The following CPN1 variants were observed in gnomAD, a reference collection of about 807,000 sequenced individuals.
CPN1 encodes carboxypeptidase N catalytic chain.
CPN1 carries 37 observed loss-of-function variants against 46.4 expected under a neutral mutation model. The observed-to-expected ratio is 0.80, with a 90% CI of 0.61 to 1.05. The LOEUF (loss-of-function observed/expected upper bound fraction) is 1.05. Ranked by LOEUF, CPN1 falls within the 50% of genes least tolerant of loss-of-function variation. The probability of loss-of-function intolerance (pLI) is 0.00; values close to 1 mark genes in which losing one functional copy is unlikely to be tolerated. For synonymous variants in CPN1, 224 were observed against 235.4 expected, an observed-to-expected ratio of 0.95 and a Z score of 0.44; for missense variants, 563 against 602.6, an observed-to-expected ratio of 0.93 and a Z score of 0.69.
chr10:100,056,741 G>A (rs1315724519), intron 6 of CPN1, among the ~76,000 whole-genome samples: 1 of 150,402 alleles, frequency 6.6e-6, no homozygotes, highest in African/African-American at 2.5e-5. Flanking sequence ...TAGTAGACAT[G>A]GGGTCTAGCT....
chr10:100,063,768 C>T (rs760081450), intron 4 of CPN1, 43 bp from the exon 5 acceptor site: 2 of 1,466,992 alleles, frequency 1.4e-6, no homozygotes, highest in South Asian at 1.1e-5. Context: ...TGATTCCCAA[C>T]TCAAATGGCA....
intron 5 of CPN1, among the ~76,000 whole-genome samples, chr10:100,063,281 C>T (rs572496492): frequency 2.6e-5 from 4 of 152,082 alleles, no homozygotes; most frequent in East Asian, 1.9e-4. Flanking sequence ...CCACCACACC[C>T]GGCTAATTTT....
In CPN1 at chr10:100,081,536, A is replaced by T. The variant is rs773064523; in HGVS notation, c.90T>A (p.Asp30Glu). 1.1e-5 allele frequency: 17 copies of T among 1,614,060 alleles called. No individual in the cohort carries two copies. In the African/African-American group the frequency reaches 2.0e-4, roughly 19 times the overall value. The change falls in exon 1 of 9, where the codon GAT (aspartate) becomes GAA (glutamate). Residue 30 changes from aspartate (D) to glutamate (E), a missense_variant. Asp to Glu is a conservative substitution (Grantham distance 45). Transcript: ENST00000370418. ...PVTFRHHRYD[D>E]LVRTLYKVQN... ...GCACCTTGTACAGCGTCCGCACAAGATCATCATAGCGGTGGTGGCGAAAGG... is the reference window on the plus strand; with the variant it reads ...GCACCTTGTACAGCGTCCGCACAAGTTCATCATAGCGGTGGTGGCGAAAGG...
intron 5 of CPN1, among the ~76,000 whole-genome samples, chr10:100,059,254 C>T (rs1042551348): frequency 6.6e-5 from 10 of 151,962 alleles, no homozygotes; most frequent in East Asian, 3.9e-4. Flanking sequence ...GAATAGGTGA[C>T]GACAGAATCA....
chr10:100,075,940 G>T lies in CPN1; in HGVS notation c.391C>A (p.Pro131Thr). 6.2e-7 allele frequency: 1 copy of T among 1,614,114 alleles called. No homozygotes were observed. Among genetic ancestry groups the T allele is most frequent in the Non-Finnish European group, 8.5e-7 (1 of 1,180,044 alleles). Residue 131 changes from proline to threonine, a missense_variant, in exon 2 of 9, where the codon CCC becomes ACC. Pro to Thr is a conservative substitution (Grantham distance 38). Coordinates refer to ENST00000370418, the MANE Select transcript of CPN1 (RefSeq NM_001308.3). ...GCAGCAGCCACCTCGTAGCCGTCGG[G>T]GTTCATGGATGGCAGGATGTGAATG... Reference protein sequence around the residue: ...TRIHILPSMNPDGYEVAAAQG... With the variant: ...TRIHILPSMNTDGYEVAAAQG...
chr10:100,057,573 T>C (rs1175207207), intron 5 of CPN1, among the ~76,000 whole-genome samples: 2 of 152,020 alleles, frequency 1.3e-5, no homozygotes, highest in Admixed American at 6.6e-5. Flanking sequence ...TATTTGGAGG[T>C]TGGGACCAGT....
chr10:100,081,136 A>G (rs2041542338), intron 1 of CPN1, among the ~76,000 whole-genome samples: 1 of 152,184 alleles, frequency 6.6e-6, no homozygotes. Context: ...ATGGGACATG[A>G]GCAGGGAAGA....
At chr10:100,057,687 A>G (rs962301478) in intron 5 of CPN1, among the ~76,000 whole-genome samples, 3 of 152,142 alleles carry the variant, frequency 2.0e-5, no homozygotes, top group African/African-American at 2.4e-5. Context: ...CTCAGGGCTT[A>G]CTGTAGTTTT....
intron 5 of CPN1, 90 bp from the exon 6 acceptor site, chr10:100,057,242 C>G: frequency 6.8e-7 from 1 of 1,466,628 alleles, no homozygotes; most frequent in South Asian, 1.3e-5. Context: ...TTAAAATTTT[C>G]TGTTTTTATT....
chr10:100,055,627 C>A (rs574155401), intron 6 of CPN1, among the ~76,000 whole-genome samples: 4 of 152,268 alleles, frequency 2.6e-5, no homozygotes, highest in Admixed American at 1.3e-4. Context: ...CGGGTTCAAG[C>A]GATTCTCCTG....
Position 100,071,291 on chromosome 10 carries a change from C to T in CPN1, c.421-1422G>A, listed in dbSNP as rs1287979561. On this transcript the variant is annotated intron_variant, in intron 2 of 8. Transcript: ENST00000370418. ...TGGTTTATAACAACAGCAATTTATTCTCCAATTTATTCTCTGGAGGCTAGA... is the reference window on the plus strand; with the variant it reads ...TGGTTTATAACAACAGCAATTTATTTTCCAATTTATTCTCTGGAGGCTAGA... Among the ~76,000 whole-genome samples the T allele has an allele frequency of 2.6e-5, 4 of 152,158 alleles. No individual in the cohort carries two copies. The South Asian group carries it at 8.3e-4, about 32-fold the overall frequency.
intron 8 of CPN1, 22 bp downstream of exon 8, chr10:100,048,736 C>A: frequency 6.6e-7 from 1 of 1,517,708 alleles, no homozygotes; most frequent in East Asian, 2.3e-5. Context: ...TACAGTGCAC[C>A]GTCAAGCTCA....
chr10:100,046,351 A>G (rs2041311905), intron 8 of CPN1, among the ~76,000 whole-genome samples: 1 of 152,238 alleles, frequency 6.6e-6, no homozygotes, highest in African/African-American at 2.4e-5. Flanking sequence ...TCACGCCTGT[A>G]ATCCCAGTGC....
At chr10:100,049,548 C>T (rs1177477806) in intron 7 of CPN1, among the ~76,000 whole-genome samples, 1 of 152,190 alleles carries the variant, frequency 6.6e-6, no homozygotes, top group Non-Finnish European at 1.5e-5. Flanking sequence ...CAGGCATGAG[C>T]CACCGAGCCC....
chr10:100,073,579 A>G (rs971801659), intron 2 of CPN1, among the ~76,000 whole-genome samples: 10 of 150,002 alleles, frequency 6.7e-5, no homozygotes, highest in Non-Finnish European at 1.5e-4. Context: ...TCCAGTTTCT[A>G]GAGATCATTC....
intron 5 of CPN1, among the ~76,000 whole-genome samples, chr10:100,062,460 CTGT>C (rs1366704082): frequency 1.3e-5 from 2 of 152,202 alleles, no homozygotes; most frequent in African/African-American, 2.4e-5. Context: ...CTCTGCTCAT[CTGT>C]TGTTGTGTGA....
chr10:100,079,728 G>A (rs2041533565), intron 1 of CPN1, among the ~76,000 whole-genome samples: 3 of 152,208 alleles, frequency 2.0e-5, no homozygotes, highest in African/African-American at 7.2e-5. Flanking sequence ...ATTATGTCAA[G>A]ATTTAGGAAA....
At chr10:100,081,378 C>A in intron 1 of CPN1, 25 bp downstream of exon 1, 1 of 1,600,610 alleles carries the variant, frequency 6.2e-7, no homozygotes, top group South Asian at 1.1e-5. Context: ...GCCCCACACA[C>A]CCTCAAGAGC....
chr10:100,065,232 G>GGCGGACCCC lies in CPN1; in HGVS notation c.706_714dup (p.Gly236_Arg238dup). On this transcript the variant is annotated inframe_insertion, in exon 4 of 9. Transcript: ENST00000370418. ...TCAGGCGTGGGGGTGCTGGCGGTGC[G>GGCGGACCCC]GCGGACCCCTCGGACCCGGTGCTCA... 6.2e-7 allele frequency: 1 copy of GGCGGACCCC among 1,614,068 alleles called. No individual in the cohort carries two copies. Among genetic ancestry groups the GGCGGACCCC allele is most frequent in the Non-Finnish European group, 8.5e-7 (1 of 1,179,998 alleles).
Sources: gnomAD v4.1 joint callset for allele counts (sites outside exome capture counted in the v4.1 genomes callset) on GRCh38, gnomAD v4.1.1 for gene constraint, MANE v1.5 for transcripts, NCBI Gene and HGNC (gene_info 2026-07-23, HGNC 2026-07-21) for gene names.